PPFIA2: variants seen among roughly 807,000 people sequenced by gnomAD.
PPFIA2 encodes liprin-alpha-2.
Under a neutral mutation model 175.5 loss-of-function variants are expected in PPFIA2, and 46 were observed. The observed-to-expected ratio is 0.26, with a 90% CI of 0.21 to 0.34. The LOEUF (loss-of-function observed/expected upper bound fraction) is 0.34. PPFIA2 is among the 10% of genes least tolerant of loss of function. The pLI is 1.00. For synonymous variants in PPFIA2, 568 were observed against 511.4 expected, an observed-to-expected ratio of 1.11 and a Z score of -1.49; for missense variants, 1,179 against 1,506.1, an observed-to-expected ratio of 0.78 and a Z score of 3.60.
rs552303197 is a variant in PPFIA2, at chr12:81,528,730, G to A, written c.304-70864C>T. 1.1e-4 allele frequency among the ~76,000 whole-genome samples: 16 copies of A among 152,010 alleles called. No individual in the cohort carries two copies. In the East Asian group the frequency reaches 1.9e-3, roughly 18 times the overall value. On this transcript the variant is annotated intron_variant, in intron 4 of 32. Transcript: ENST00000549396. ...CCATAGCAACATCAGAATAATTATC[G>A]CTATAATCAGCAGTAGAGAAAATGT...
At chr12:81,582,993 T>C (rs2074647043) in intron 4 of PPFIA2, among the ~76,000 whole-genome samples, 1 of 151,934 alleles carries the variant, frequency 6.6e-6, no homozygotes, top group Non-Finnish European at 1.5e-5. Context: ...GAATAACCCA[T>C]ATTCAGTCAG....
intron 4 of PPFIA2, among the ~76,000 whole-genome samples, chr12:81,477,310 T>C (rs2057602844): frequency 6.6e-6 from 1 of 152,158 alleles, no homozygotes; most frequent in African/African-American, 2.4e-5. Flanking sequence ...CTACTTTCAA[T>C]TATTTGAAAA....
At chr12:81,585,241 A>G (rs2075145523) in intron 4 of PPFIA2, among the ~76,000 whole-genome samples, 1 of 150,192 alleles carries the variant, frequency 6.7e-6, no homozygotes, top group Admixed American at 6.8e-5. Context: ...CTAGGACATT[A>G]CTGTACACTA....
chr12:81,528,811 C>T (rs2064076861), intron 4 of PPFIA2, among the ~76,000 whole-genome samples: 1 of 151,916 alleles, frequency 6.6e-6, no homozygotes, highest in African/African-American at 2.4e-5. Flanking sequence ...CTCACCCACA[C>T]AACCGAATCA....
At chr12:81,534,754 A>G (rs2065136602) in intron 4 of PPFIA2, among the ~76,000 whole-genome samples, 2 of 151,764 alleles carry the variant, frequency 1.3e-5, no homozygotes, top group Non-Finnish European at 2.9e-5. Context: ...GTGAGAGCAG[A>G]TAAAGTAATT....
chr12:81,347,084 C>T (rs1295631715), intron 18 of PPFIA2, among the ~76,000 whole-genome samples: 1 of 151,606 alleles, frequency 6.6e-6, no homozygotes, highest in African/African-American at 2.4e-5. Context: ...TACAGACCAC[C>T]ACCACACCCA....
At chr12:81,576,407 C>T (rs1305955985) in intron 4 of PPFIA2, among the ~76,000 whole-genome samples, 2 of 151,738 alleles carry the variant, frequency 1.3e-5, no homozygotes, top group East Asian at 2.0e-4. Context: ...GGAAACAAAA[C>T]TTCTTTCAGT....
At chr12:81,574,949 A>G (rs1405946899) in intron 4 of PPFIA2, among the ~76,000 whole-genome samples, 4 of 151,766 alleles carry the variant, frequency 2.6e-5, no homozygotes, top group African/African-American at 9.7e-5. Flanking sequence ...TTGAATGCTA[A>G]ATAAATTGAT....
At chr12:81,462,256 T>C (rs1252922488) in intron 4 of PPFIA2, among the ~76,000 whole-genome samples, 1 of 64,330 alleles carries the variant, frequency 1.6e-5, no homozygotes, top group Non-Finnish European at 2.6e-5. Context: ...TTTTCTAACA[T>C]ATATATATAT....
chr12:81,678,561 G>T (rs1039455007), intron 3 of PPFIA2, among the ~76,000 whole-genome samples: 1 of 151,742 alleles, frequency 6.6e-6, no homozygotes, highest in Non-Finnish European at 1.5e-5. Context: ...ATTATTAAAT[G>T]GTCTCCTTTC....
In PPFIA2 at chr12:81,376,670, A is replaced by C. The variant is rs573227506; in HGVS notation, c.985-728T>G. ...AATTTTACCTCACAGCTTACATGGAAATTTATTGGTAGTTAGATAACCTAC... is the reference window on the plus strand; with the variant it reads ...AATTTTACCTCACAGCTTACATGGACATTTATTGGTAGTTAGATAACCTAC... On this transcript the variant is annotated intron_variant, in intron 9 of 32. Coordinates refer to ENST00000549396, the MANE Select transcript of PPFIA2 (RefSeq NM_003625.5). Among the ~76,000 whole-genome samples, 3 of 152,268 alleles carry C rather than the reference A, an allele frequency of 2.0e-5. No individual in the cohort carries two copies. In the South Asian group the frequency reaches 6.2e-4, roughly 32 times the overall value.
At chr12:81,451,977 A>T (rs531705514) in intron 5 of PPFIA2, among the ~76,000 whole-genome samples, 1 of 152,202 alleles carries the variant, frequency 6.6e-6, no homozygotes, top group South Asian at 2.1e-4. Context: ...TACAAATGGA[A>T]CTCTCTTTGG....
At chr12:81,589,941 G>A (rs142309214) in intron 4 of PPFIA2, among the ~76,000 whole-genome samples, 3 of 152,122 alleles carry the variant, frequency 2.0e-5, no homozygotes, top group East Asian at 3.9e-4. Flanking sequence ...CCAAATCCAA[G>A]GTCTTAGGGA....
rs755783979 is a variant in PPFIA2 at position 81,281,243 on chromosome 12, G to T, written c.3212+14C>A. 8.5e-6 allele frequency: 13 copies of T among 1,530,372 alleles called. No individual in the cohort carries two copies. The highest frequency in any genetic ancestry group is 2.8e-5 in the African/African-American group (2 of 71,580). The allele number at this position is 1,530,372 out of a possible 1,614,324, so 94.8% of individuals were successfully genotyped here. A position where few individuals can be genotyped will look rare whatever the true frequency, so the allele number is the denominator to read the frequency against. ...TTAATTATTCTTTGGGGAAAAAAAA[G>T]AAAAAACACCTACCGATGGAAACTA... On this transcript the variant is annotated intron_variant, in intron 27 of 32. Transcript: ENST00000549396.
chr12:81,460,654 C>A (rs1416364619), intron 4 of PPFIA2, among the ~76,000 whole-genome samples: 1 of 152,074 alleles, frequency 6.6e-6, no homozygotes, highest in Admixed American at 6.6e-5. Flanking sequence ...TCTGACAGTT[C>A]TCTTTCCTAT....
intron 4 of PPFIA2, among the ~76,000 whole-genome samples, chr12:81,581,570 C>T (rs914313027): frequency 6.6e-6 from 1 of 151,784 alleles, no homozygotes; most frequent in African/African-American, 2.4e-5. Flanking sequence ...GCTTTTATCA[C>T]TGCCCAGCAT....
At chr12:81,578,595 C>G (rs149860919) in intron 4 of PPFIA2, among the ~76,000 whole-genome samples, 63 of 151,802 alleles carry the variant, frequency 4.2e-4, no homozygotes, top group African/African-American at 1.4e-3. Flanking sequence ...TATAGAAAGG[C>G]TAATACTTAG....
At chr12:81,354,186 C>T (rs1360070828) in intron 16 of PPFIA2, among the ~76,000 whole-genome samples, 1 of 152,150 alleles carries the variant, frequency 6.6e-6, no homozygotes, top group African/African-American at 2.4e-5. Flanking sequence ...AAACATAAGA[C>T]AACAATGAAA....
intron 4 of PPFIA2, among the ~76,000 whole-genome samples, chr12:81,482,552 C>T (rs938315169): frequency 6.6e-6 from 1 of 152,142 alleles, no homozygotes; most frequent in South Asian, 2.1e-4. Context: ...GAATACTATG[C>T]AGCCATAAAA....
Sources: allele counts gnomAD v4.1 joint callset (sites outside exome capture counted in the v4.1 genomes callset), GRCh38; gene constraint gnomAD v4.1.1; transcripts MANE v1.5; gene names NCBI Gene and HGNC (gene_info 2026-07-23, HGNC 2026-07-21).